The following EPHA6 variants were observed in gnomAD, a reference collection of about 807,000 sequenced individuals.
EPHA6 encodes the protein EPH receptor A6.
In EPHA6, 50 loss-of-function variants were observed where a neutral mutation model predicts 112.0. That is an observed-to-expected ratio of 0.45 (90% CI 0.36 to 0.56). EPHA6 has a LOEUF of 0.56. Among genes scored for constraint, EPHA6 ranks in the 20% least tolerant of loss-of-function variants. The pLI is 0.00. For missense variants in EPHA6, 1,280 were observed against 1,417.4 expected, an observed-to-expected ratio of 0.90 and a Z score of 1.56; for synonymous variants, 529 against 490.7, an observed-to-expected ratio of 1.08 and a Z score of -1.03.
intron 2 of EPHA6, among the ~76,000 whole-genome samples, chr3:96,930,992 CAAAAA>C (rs754917681): frequency 0.012 from 418 of 34,778 alleles, 12 homozygotes; most frequent in African/African-American, 0.03. Context: ...ACTCTGTCTC[CAAAAA>C]AAAAAAAAAA....
rs147170968 is a variant in EPHA6 at position 97,463,962 on chromosome 3, G to A, written c.1895-11390G>A. Among the ~76,000 whole-genome samples, 558 of 152,204 alleles carry A rather than the reference G, an allele frequency of 3.7e-3. 2 individuals carry two copies. The highest frequency in any genetic ancestry group is 0.013 in the African/African-American group (521 of 41,540). On this transcript the variant is annotated intron_variant, in intron 7 of 17. Transcript: ENST00000389672. ...GGAATGAAGAAATGTCCCAGACTAG[G>A]CTTCAAAAAAGATTGAGACAAGAAA...
chr3:96,931,137 A>ACAAC (rs972594870), intron 2 of EPHA6, among the ~76,000 whole-genome samples: 1 of 151,978 alleles, frequency 6.6e-6, no homozygotes, highest in African/African-American at 2.4e-5. Context: ...AGGTACCTGA[A>ACAAC]CAACCAAGGT....
chr3:97,552,765 T>C (rs1225272291), intron 11 of EPHA6, among the ~76,000 whole-genome samples: 1 of 152,178 alleles, frequency 6.6e-6, no homozygotes, highest in African/African-American at 2.4e-5. Context: ...ACCTCTTCAA[T>C]GACACAGAAA....
intron 1 of EPHA6, among the ~76,000 whole-genome samples, chr3:96,820,348 G>A (rs1168375347): frequency 6.6e-6 from 1 of 152,022 alleles, no homozygotes; most frequent in East Asian, 1.9e-4. Context: ...TGACTAGTGA[G>A]CAAAAACTTA....
At chr3:97,397,416 A>G (rs2086755533) in intron 5 of EPHA6, among the ~76,000 whole-genome samples, 2 of 151,716 alleles carry the variant, frequency 1.3e-5, no homozygotes, top group South Asian at 2.1e-4. Flanking sequence ...GAAAGAAATC[A>G]TTAAATATAT....
intron 16 of EPHA6, among the ~76,000 whole-genome samples, chr3:97,744,232 G>A (rs2035622070): frequency 6.6e-6 from 1 of 151,890 alleles, no homozygotes; most frequent in South Asian, 2.1e-4. Context: ...AATGTGAGCT[G>A]CAGGTTTTGC....
Position 97,757,117 on chromosome 3 carries a change from T to C in EPHA6, c.*8416T>C, listed in dbSNP as rs2036045248. ...AACATGGCAACAGACTAAGTTCCAC[T>C]AAAATTAAGGAAAACACTAAAAGGT... On this transcript the variant is annotated 3_prime_UTR_variant, in exon 18 of 18. Transcript: ENST00000389672. Among the ~76,000 whole-genome samples the C allele has an allele frequency of 6.6e-6, 1 of 151,818 alleles. No homozygotes were observed.
At chr3:97,219,797 G>GA (rs1300086165) in intron 3 of EPHA6, among the ~76,000 whole-genome samples, 2 of 152,156 alleles carry the variant, frequency 1.3e-5, no homozygotes, top group African/African-American at 4.8e-5. Flanking sequence ...TTTCTCCCCA[G>GA]AAAATGGGTT....
Position 97,227,504 on chromosome 3 carries a change from A to T in EPHA6, c.1270+1085A>T, listed in dbSNP as rs191984218. ...CCAGAGTGCTGGGATTACAAGCATG[A>T]GCCACCGCCCCTGGCCGAAACTATT... On this transcript the variant is annotated intron_variant, in intron 4 of 17. Transcript: ENST00000389672. 8.5e-4 allele frequency among the ~76,000 whole-genome samples: 129 copies of T among 152,320 alleles called. 1 individual carries two copies. Among genetic ancestry groups the T allele is most frequent in the African/African-American group, 2.8e-3 (118 of 41,572 alleles).
At chr3:97,517,399 A>C (rs568138329) in intron 10 of EPHA6, among the ~76,000 whole-genome samples, 5 of 152,180 alleles carry the variant, frequency 3.3e-5, no homozygotes, top group Non-Finnish European at 7.4e-5. Flanking sequence ...CTCTAGATTG[A>C]ATGCTATCAG....
At chr3:96,932,797 G>T (rs942838270) in intron 2 of EPHA6, among the ~76,000 whole-genome samples, 2 of 151,982 alleles carry the variant, frequency 1.3e-5, no homozygotes, top group Non-Finnish European at 2.9e-5. Flanking sequence ...TTGTTTTTTG[G>T]CTGTTTTTAA....
At chr3:97,142,256 A>G (rs2075927200) in intron 3 of EPHA6, among the ~76,000 whole-genome samples, 1 of 152,034 alleles carries the variant, frequency 6.6e-6, no homozygotes, top group Admixed American at 6.6e-5. Context: ...AGAAATAACA[A>G]CAAGAACAGT....
chr3:97,281,358 AGGAT>A lies in EPHA6; in HGVS notation c.1606+37076_1606+37079del, dbSNP rs2080282173. The stretch of plus-strand genomic sequence containing the variant: ...AAAGGAAGCACATATTTCAAAGAGA[AGGAT>A]GGATCTCAATTCAATTTGTATTTTA... On this transcript the variant is annotated intron_variant, in intron 5 of 17. Transcript: ENST00000389672. 4.6e-5 allele frequency among the ~76,000 whole-genome samples: 7 copies of A among 152,252 alleles called. No homozygotes were observed. The South Asian group carries it at 1.2e-3, about 27-fold the overall frequency.
intron 2 of EPHA6, among the ~76,000 whole-genome samples, chr3:96,897,468 CATAA>C (rs2038342360): frequency 6.6e-6 from 1 of 152,162 alleles, no homozygotes; most frequent in African/African-American, 2.4e-5. Context: ...GTTATTGAAT[CATAA>C]ATGTATCTTT....
At chr3:97,436,334 C>G (rs887598733) in intron 6 of EPHA6, among the ~76,000 whole-genome samples, 1 of 152,034 alleles carries the variant, frequency 6.6e-6, no homozygotes, top group Non-Finnish European at 1.5e-5. Context: ...GAGATACCTG[C>G]TTTAGTTTTT....
In EPHA6 at chr3:97,753,448, TCCATAAC is replaced by T. The variant is rs2035946845; in HGVS notation, c.*4750_*4756del. ...TTCTCATAGTATTCTTCCGAAACACTCCATAACCCCTCTGGCGGAGGGGAAGCATACT... is the reference window on the plus strand; with the variant it reads ...TTCTCATAGTATTCTTCCGAAACACTCCCTCTGGCGGAGGGGAAGCATACT... On this transcript the variant is annotated 3_prime_UTR_variant, in exon 18 of 18. Transcript: ENST00000389672. Among the ~76,000 whole-genome samples the T allele has an allele frequency of 6.6e-6, 1 of 152,110 alleles. No homozygotes were observed. The highest frequency in any genetic ancestry group is 6.6e-5 in the Admixed American group (1 of 15,264).
In EPHA6 at chr3:96,982,161, A is replaced by C; in HGVS notation, c.451-5169A>C. ...ATTGTGATGTTAGGGTGTCAATTTT[A>C]GATCTTTCCTGCTTTCTCTTGTGGG... On this transcript the variant is annotated intron_variant, in intron 2 of 17. Transcript: ENST00000389672. Among the ~76,000 whole-genome samples, 2 of 152,086 alleles carry C rather than the reference A, an allele frequency of 1.3e-5. 1 individual carries two copies. The highest frequency in any genetic ancestry group is 3.9e-4 in the East Asian group (2 of 5,174).
chr3:97,150,833 A>G (rs1176555641), intron 3 of EPHA6, among the ~76,000 whole-genome samples: 1 of 151,984 alleles, frequency 6.6e-6, no homozygotes, highest in Non-Finnish European at 1.5e-5. Context: ...ATTCTTCATA[A>G]TATGCCACTG....
At chr3:96,840,808 GTACTTCCTTTGGCCT>G (rs1168802789) in intron 1 of EPHA6, among the ~76,000 whole-genome samples, 9 of 152,046 alleles carry the variant, frequency 5.9e-5, no homozygotes, top group Non-Finnish European at 1.3e-4. Flanking sequence ...AGATGGAGAT[GTACTTCCTTTGGCCT>G]TACTGTGGCA....
Sources: allele counts gnomAD v4.1 joint callset (sites outside exome capture counted in the v4.1 genomes callset), GRCh38; gene constraint gnomAD v4.1.1; transcripts MANE v1.5; gene names NCBI Gene and HGNC (gene_info 2026-07-23, HGNC 2026-07-21).